Variants in ERLIN1 observed in about 807,000 individuals in gnomAD.
ERLIN1 encodes ER lipid raft associated 1.
Under a neutral mutation model 46.9 loss-of-function variants are expected in ERLIN1, and 24 were observed. The ratio of observed to expected loss-of-function variants is 0.51; its 90% CI spans 0.37 to 0.72. The LOEUF is 0.72. Among genes scored for constraint, ERLIN1 ranks in the 30% least tolerant of loss-of-function variants. The probability of loss-of-function intolerance (pLI) is 0.00; values close to 1 mark genes in which losing one functional copy is unlikely to be tolerated. For missense variants in ERLIN1, 293 were observed against 417.9 expected, an observed-to-expected ratio of 0.70 and a Z score of 2.61; for synonymous variants, 158 against 143.2, an observed-to-expected ratio of 1.10 and a Z score of -0.74.
At chr10:100,163,945 AC>A in intron 8 of ERLIN1, 58 bp downstream of exon 8, 1 of 1,170,736 alleles carries the variant, frequency 8.5e-7, no homozygotes, top group Non-Finnish European at 1.3e-6. Flanking sequence ...AATGAGACTG[AC>A]AAAGAACAGG....
intron 6 of ERLIN1, among the ~76,000 whole-genome samples, chr10:100,167,860 T>C (rs1020415953): frequency 6.6e-6 from 1 of 152,234 alleles, no homozygotes; most frequent in Admixed American, 6.5e-5. Flanking sequence ...TTTAATACAG[T>C]GAGTAGTGAG....
chr10:100,152,427 T>C (rs1452402794), intron 10 of ERLIN1, 75 bp from the exon 11 acceptor site: 2 of 864,912 alleles, frequency 2.3e-6, no homozygotes, highest in South Asian at 1.3e-5. Flanking sequence ...TATATACATT[T>C]CACCTATTGC....
chr10:100,162,847 A>G (rs1458926610), intron 8 of ERLIN1, among the ~76,000 whole-genome samples: 3 of 152,226 alleles, frequency 2.0e-5, no homozygotes, highest in Non-Finnish European at 2.9e-5. Context: ...AAAGCTGGTG[A>G]TAGGGCACTG....
rs183088810 is a variant in ERLIN1, at chr10:100,182,219, G to C, written c.195+1537C>G. Among the ~76,000 whole-genome samples, 45 of 146,260 alleles carry C rather than the reference G, an allele frequency of 3.1e-4. No individual in the cohort carries two copies. The East Asian group carries it at 8.9e-3, about 29-fold the overall frequency. On this transcript the variant is annotated intron_variant, in intron 2 of 10. Transcript: ENST00000421367. ...TTTTTTTTTTTTTTTTTTAAGAGAC[G>C]GAGTTTCCCCATGTTGCCCAGGCTG...
rs1169851659 is a variant in ERLIN1 at position 100,185,622 on chromosome 10, T to C, written c.5A>G (p.Asn2Ser). M[N>S]MTQARVLVAA... ...CACCAGAACCCGGGCTTGAGTCATA[T>C]TCATTCTCGTTCCTCCTGGGAGCGG... is the stretch of plus-strand genomic sequence containing the variant. Residue 2 changes from asparagine to serine, a missense_variant, in exon 1 of 11, where the codon AAT becomes AGT. Asn to Ser is a conservative substitution (Grantham distance 46). Transcript: ENST00000421367. 1.9e-6 allele frequency: 3 copies of C among 1,613,494 alleles called. No individual in the cohort carries two copies. Among genetic ancestry groups the C allele is most frequent in the East Asian group, 2.2e-5 (1 of 44,886 alleles).
At chr10:100,164,173 G>A in intron 7 of ERLIN1, 78 bp from the exon 8 acceptor site, 3 of 908,524 alleles carry the variant, frequency 3.3e-6, no homozygotes, top group Admixed American at 4.6e-5. Flanking sequence ...ACCCTACAGT[G>A]AGTCAGAGAA....
Position 100,152,272 on chromosome 10 carries a change from G to A in ERLIN1, c.906C>T (p.Asn302=), listed in dbSNP as rs976456038. 1.2e-5 allele frequency: 19 copies of A among 1,612,712 alleles called. No individual in the cohort carries two copies. Among genetic ancestry groups the A allele is most frequent in the Admixed American group, 1.7e-5 (1 of 60,002 alleles). The change falls in exon 11 of 11, where the codon AAC becomes AAT. Residue 302 remains asparagine (N), a synonymous_variant. Transcript: ENST00000421367. ...AGGAGTCCACGAACATGTTAGGGATGTTGCTGCCAAAATAGATCTTACTGT... is the reference window on the plus strand; with the variant it reads ...AGGAGTCCACGAACATGTTAGGGATATTGCTGCCAAAATAGATCTTACTGT... ...ASNSKIYFGS[N]IPNMFVDSSC... is the part of the protein sequence containing the mutation.
intron 6 of ERLIN1, among the ~76,000 whole-genome samples, chr10:100,172,213 G>T (rs1253045878): frequency 1.3e-5 from 2 of 152,120 alleles, no homozygotes; most frequent in African/African-American, 4.8e-5. Context: ...TTTTGTTTTG[G>T]AAAGATGTTC....
intron 7 of ERLIN1, among the ~76,000 whole-genome samples, chr10:100,165,593 A>G (rs567760447): frequency 4.6e-5 from 7 of 152,016 alleles, no homozygotes; most frequent in East Asian, 1.9e-4. Context: ...TCATTGTGTT[A>G]GCTAGGATGG....
Position 100,151,042 on chromosome 10 carries a change from C to T in ERLIN1, c.*1089G>A, listed in dbSNP as rs1842778373. On this transcript the variant is annotated 3_prime_UTR_variant, in exon 11 of 11. Coordinates refer to ENST00000421367, the MANE Select transcript of ERLIN1 (RefSeq NM_006459.4). ...ATGCTTTCTAGGTGACTTTTTGTTC[C>T]ACACTATGTGGGCTCCAGATAAACA... The T allele has an allele frequency of 6.6e-6, 1 of 152,560 alleles. No homozygotes were observed. The highest frequency in any genetic ancestry group is 1.5e-5 in the Non-Finnish European group (1 of 68,046). 9.5% of individuals were successfully genotyped at this position (152,560 alleles called of 1,614,324 possible).
At chr10:100,159,685 A>G (rs2134115151) in intron 8 of ERLIN1, among the ~76,000 whole-genome samples, 1 of 147,834 alleles carries the variant, frequency 6.8e-6, no homozygotes, top group African/African-American at 2.6e-5. Context: ...GAGCCAAAGA[A>G]GAAATTAGAA....
intron 1 of ERLIN1, 22 bp downstream of exon 1, chr10:100,185,488 CCTAA>C (rs746417140): frequency 2.7e-5 from 41 of 1,539,220 alleles, no homozygotes; most frequent in Admixed American, 6.7e-5. Flanking sequence ...GCTCTAGAGC[CCTAA>C]CTGACTGCAC....
chr10:100,158,828 A>G (rs1380862561), intron 8 of ERLIN1, among the ~76,000 whole-genome samples: 1 of 152,190 alleles, frequency 6.6e-6, no homozygotes, highest in Non-Finnish European at 1.5e-5. Context: ...ATCAAGTAAA[A>G]GGAAGAAAAG....
chr10:100,167,813 C>CA (rs1463796149), intron 6 of ERLIN1, among the ~76,000 whole-genome samples: 1 of 152,134 alleles, frequency 6.6e-6, no homozygotes, highest in Non-Finnish European at 1.5e-5. Context: ...TAGTCAAATA[C>CA]AAAAACAAAC....
chr10:100,165,456 G>C (rs1026582344), intron 7 of ERLIN1, among the ~76,000 whole-genome samples: 2 of 144,680 alleles, frequency 1.4e-5, no homozygotes, highest in African/African-American at 2.6e-5. Context: ...GCACTATCTC[G>C]ACTCACTGCA....
At chr10:100,183,687 C>T in intron 2 of ERLIN1, 69 bp downstream of exon 2, 1 of 1,008,390 alleles carries the variant, frequency 9.9e-7, no homozygotes, top group Non-Finnish European at 1.5e-6. Flanking sequence ...TCTATCTCCA[C>T]CCACAAGTGT....
rs747985150 is a variant in ERLIN1, at chr10:100,152,338, C to T, written c.840G>A (p.Pro280=). The change falls in exon 11 of 11, where the codon CCG becomes CCA. Residue 280 remains proline (P), a synonymous_variant. Transcript: ENST00000421367. Reference sequence around the variant, plus strand: ...GGTACTTTTTGAGCTCCAGATATTCCGGGGTCAACTTGTGCTGTGTGGGAG... The same window carrying T: ...GGTACTTTTTGAGCTCCAGATATTCTGGGGTCAACTTGTGCTGTGTGGGAG... ...YATSNKHKLT[P]EYLELKKYQA... is the part of the protein sequence containing the mutation. The T allele has an allele frequency of 7.4e-6, 12 of 1,610,912 alleles. No homozygotes were observed. The highest frequency in any genetic ancestry group is 4.0e-5 in the African/African-American group (3 of 74,862).
chr10:100,164,169 C>G, intron 7 of ERLIN1, 74 bp from the exon 8 acceptor site: 1 of 949,512 alleles, frequency 1.1e-6, no homozygotes, highest in South Asian at 1.5e-5. Context: ...TCTGACCCTA[C>G]AGTGAGTCAG....
rs767541138 is a variant in ERLIN1, at chr10:100,152,223, T to C, written c.955A>G (p.Ile319Val). The C allele has an allele frequency of 1.2e-6, 2 of 1,612,934 alleles. No homozygotes were observed. Among genetic ancestry groups the C allele is most frequent in the South Asian group, 1.1e-5 (1 of 91,072 alleles). Residue 319 changes from isoleucine (I) to valine (V), a missense_variant, in exon 11 of 11, where the codon ATT (isoleucine) becomes GTT (valine). Ile to Val is a conservative substitution (Grantham distance 29). This residue lies in a region of ERLIN1 where 69 missense variants were observed against 74.5 expected (regional missense o/e 0.93). Coordinates refer to ENST00000421367, the MANE Select transcript of ERLIN1 (RefSeq NM_006459.4). ...AGTGAGCTTTCTCTTCCAGTCCTAA[T>C]ATCTGAATATTTCAAAGCACATGAG... is the stretch of plus-strand genomic sequence containing the variant. ...DSSCALKYSD[I>V]RTGRESSLPS...
Sources: allele counts gnomAD v4.1 joint callset (sites outside exome capture counted in the v4.1 genomes callset), GRCh38; gene constraint gnomAD v4.1.1; regional missense constraint gnomAD v4.1.1; transcripts MANE v1.5; gene names NCBI Gene and HGNC (gene_info 2026-07-23, HGNC 2026-07-21).